Variants in ZCCHC2 observed in about 807,000 individuals in gnomAD.
ZCCHC2 encodes the protein zinc finger CCHC domain-containing protein 2.
Under a neutral mutation model 103.6 loss-of-function variants are expected in ZCCHC2, and 39 were observed. The observed-to-expected ratio is 0.38, with a 90% CI of 0.29 to 0.49. The LOEUF (loss-of-function observed/expected upper bound fraction) is 0.49. ZCCHC2 is among the 20% of genes least tolerant of loss of function. The pLI is 0.96. For missense variants in ZCCHC2, 1,483 were observed against 1,491.0 expected (o/e 0.99, Z 0.09); for synonymous variants, 687 against 608.9 (o/e 1.13, Z -1.89).
Position 62,523,376 on chromosome 18 carries a change from G to GGGGGC in ZCCHC2, c.-49_-48insGGGGC. ...GCCTCGGCCCGTGCTCCACCTCGCG[G>GGGGGC]CCCCTCCCGCCCGCCCCCGCTCGCA... On this transcript the variant is annotated 5_prime_UTR_variant, in exon 1 of 14. Transcript: ENST00000269499. 4.0e-6 allele frequency: 4 copies of GGGGGC among 1,012,346 alleles called. No homozygotes were observed. The highest frequency in any genetic ancestry group is 4.7e-6 in the Non-Finnish European group (4 of 848,984). The allele number at this position is 1,012,346 out of a possible 1,614,324, so 62.7% of individuals were successfully genotyped here.
Position 62,576,599 on chromosome 18 carries a change from C to CT in ZCCHC2, c.*22dup. 2 of 1,607,636 alleles carry CT rather than the reference C, an allele frequency of 1.2e-6. No individual in the cohort carries two copies. The highest frequency in any genetic ancestry group is 1.7e-6 in the Non-Finnish European group (2 of 1,174,558). On this transcript the variant is annotated 3_prime_UTR_variant, in exon 14 of 14. Coordinates refer to ENST00000269499, the MANE Select transcript of ZCCHC2 (RefSeq NM_017742.6). ...GACTGAAACGAGTAAAGCTTGCCTACTTAATACACTCAAGTGTGGGGAGTC... is the reference window on the plus strand; with the variant it reads ...GACTGAAACGAGTAAAGCTTGCCTACTTTAATACACTCAAGTGTGGGGAGTC...
At chr18:62,544,978 G>C (rs1014326523) in intron 4 of ZCCHC2, 105 bp downstream of exon 4, 1 of 943,196 alleles carries the variant, frequency 1.1e-6, no homozygotes, top group East Asian at 3.0e-5. Context: ...ACAGATAAAG[G>C]TTGGCTCAGA....
At chr18:62,564,478 C>A in intron 9 of ZCCHC2, 93 bp from the exon 10 acceptor site, 2 of 925,690 alleles carry the variant, frequency 2.2e-6, no homozygotes, top group Non-Finnish European at 3.1e-6. Context: ...GAATATACAA[C>A]TGGGAATCTA....
At position 62,537,133 on chromosome 18, in the gene ZCCHC2, A is replaced by C. The variant is rs114430438; in HGVS notation, c.940-2548A>C. Among the ~76,000 whole-genome samples, 1,002 of 152,270 alleles carry C rather than the reference A, an allele frequency of 6.6e-3. 12 individuals are homozygous for C. Among genetic ancestry groups the C allele is most frequent in the African/African-American group, 0.023 (955 of 41,554 alleles). Reference sequence around the variant, plus strand: ...CAAACAGAAATGCTATACCCATTTAAAAAATAACACCCTATTCCCTCCAGT... The same window carrying C: ...CAAACAGAAATGCTATACCCATTTACAAAATAACACCCTATTCCCTCCAGT... On this transcript the variant is annotated intron_variant, in intron 1 of 13. Transcript: ENST00000269499.
intron 12 of ZCCHC2, among the ~76,000 whole-genome samples, chr18:62,572,127 G>C (rs1212115352): frequency 2.0e-5 from 3 of 152,124 alleles, no homozygotes; most frequent in Non-Finnish European, 4.4e-5. Context: ...TGTTGCCCAG[G>C]CTGGTCTTGA....
At chr18:62,548,557 T>C (rs1002100612) in intron 4 of ZCCHC2, among the ~76,000 whole-genome samples, 3 of 152,250 alleles carry the variant, frequency 2.0e-5, no homozygotes, top group African/African-American at 7.2e-5. Flanking sequence ...GTAGGATATA[T>C]GCCTGGTGTT....
intron 11 of ZCCHC2, among the ~76,000 whole-genome samples, chr18:62,567,781 C>A (rs1412940868): frequency 6.6e-6 from 1 of 151,598 alleles, no homozygotes; most frequent in African/African-American, 2.4e-5. Context: ...CCTGTTTCTA[C>A]TAAAAATATA....
downstream of ZCCHC2, among the ~76,000 whole-genome samples, chr18:62,582,158 A>G (rs1030193199): frequency 8.5e-5 from 13 of 152,244 alleles, no homozygotes; most frequent in African/African-American, 3.1e-4. Context: ...CAAGTTTTGA[A>G]TAGAGGGAAA....
At chr18:62,555,808 C>CA (rs71160849) in intron 5 of ZCCHC2, among the ~76,000 whole-genome samples, 23,001 of 136,096 alleles carry the variant, frequency 0.17, 2,229 homozygotes, top group Non-Finnish European at 0.24. Flanking sequence ...AATTCAGTCT[C>CA]AAAAAAAAAA....
chr18:62,545,575 TA>T (rs1277698531), intron 4 of ZCCHC2, among the ~76,000 whole-genome samples: 1 of 152,240 alleles, frequency 6.6e-6, no homozygotes, highest in Non-Finnish European at 1.5e-5. Flanking sequence ...TCTTTTATAC[TA>T]ATCTGATTTT....
In ZCCHC2 at chr18:62,523,648, C is replaced by G. The variant is rs563696641; in HGVS notation, c.224C>G (p.Ala75Gly). 319 of 1,294,366 alleles carry G rather than the reference C, an allele frequency of 2.5e-4. No individual in the cohort carries two copies. The highest frequency in any genetic ancestry group is 8.8e-4 in the Middle Eastern group (3 of 3,402). The allele number at this position is 1,294,366 out of a possible 1,614,324, so 80.2% of individuals were successfully genotyped here. A position where few individuals can be genotyped will look rare whatever the true frequency, so the allele number is the denominator to read the frequency against. ...RGLGPPVAGGAAAGAGMPGGG... is the reference protein window; with the variant it reads ...RGLGPPVAGGGAAGAGMPGGG... The stretch of plus-strand genomic sequence containing the variant: ...CTCGGGCCGCCTGTTGCTGGTGGAG[C>G]GGCGGCGGGGGCGGGTATGCCGGGC... The change falls in exon 1 of 14, where the codon GCG becomes GGG. Residue 75 changes from alanine to glycine, a missense_variant. Physicochemically the swap from Ala to Gly is moderately conservative, Grantham distance 60 (BLOSUM62 0). Around this residue, in one of 3 missense-constraint regions of ZCCHC2, gnomAD observed 568 missense variants for 525.1 expected, o/e 1.08. Coordinates refer to ENST00000269499, the MANE Select transcript of ZCCHC2 (RefSeq NM_017742.6).
rs1473959648 is a variant in ZCCHC2, at chr18:62,523,541, C to T, written c.117C>T (p.Arg39=). The T allele has an allele frequency of 1.7e-5, 16 of 934,924 alleles. No homozygotes were observed. The highest frequency in any genetic ancestry group is 2.0e-5 in the Non-Finnish European group (16 of 805,416). 57.9% of individuals were successfully genotyped at this position (934,924 alleles called of 1,614,324 possible). A position where few individuals can be genotyped will look rare whatever the true frequency, so the allele number is the denominator to read the frequency against. ...PGAKAPSRRR[R]DCRPPPPPPP... ...CGAAGGCGCCTTCGCGCCGCCGCCGCGACTGCCGCCCCCCGCCGCCGCCGC... is the reference window on the plus strand; with the variant it reads ...CGAAGGCGCCTTCGCGCCGCCGCCGTGACTGCCGCCCCCCGCCGCCGCCGC... Residue 39 remains arginine, a synonymous_variant, in exon 1 of 14, where the codon CGC becomes CGT. Coordinates refer to ENST00000269499, the MANE Select transcript of ZCCHC2 (RefSeq NM_017742.6).
At chr18:62,544,509 A>G (rs145617926) in intron 3 of ZCCHC2, among the ~76,000 whole-genome samples, 299 of 152,358 alleles carry the variant, frequency 2.0e-3, no homozygotes, top group Non-Finnish European at 2.5e-3. Flanking sequence ...AAGTTCATAG[A>G]AAATAACATA....
chr18:62,528,870 T>A (rs977008605), intron 1 of ZCCHC2, among the ~76,000 whole-genome samples: 2 of 151,688 alleles, frequency 1.3e-5, no homozygotes, highest in Non-Finnish European at 2.9e-5. Context: ...CTAAAAAAGA[T>A]GATTTTTTGG....
At chr18:62,536,438 C>G (rs1025087704) in intron 1 of ZCCHC2, among the ~76,000 whole-genome samples, 3 of 152,198 alleles carry the variant, frequency 2.0e-5, no homozygotes, top group Admixed American at 6.5e-5. Flanking sequence ...TTGTAAAATA[C>G]TGATTCTGGC....
At chr18:62,582,505 C>T (rs1917062534), downstream of ZCCHC2, among the ~76,000 whole-genome samples, 1 of 151,776 alleles carries the variant, frequency 6.6e-6, no homozygotes, top group Admixed American at 6.6e-5. Context: ...TGGTGAAACC[C>T]CGAATCTACC....
Position 62,575,085 on chromosome 18 carries a change from G to C in ZCCHC2, c.3004G>C (p.Val1002Leu). The change falls in exon 13 of 14, where the codon GTG (valine) becomes CTG (leucine). Residue 1002 changes from valine to leucine, a missense_variant. Physicochemically the swap from Val to Leu is conservative, Grantham distance 32. Transcript: ENST00000269499. Reference protein sequence around the residue: ...VGNTNANGTVVPPQQMGSGPC... With the variant: ...VGNTNANGTVLPPQQMGSGPC... ...GAACACGAACGCTAATGGGACAGTA[G>C]TGCCACCGCAGCAGATGGGCTCAGG... The C allele has an allele frequency of 1.2e-6, 2 of 1,614,058 alleles. No homozygotes were observed. The highest frequency in any genetic ancestry group is 1.7e-6 in the Non-Finnish European group (2 of 1,179,900).
intron 7 of ZCCHC2, among the ~76,000 whole-genome samples, chr18:62,559,567 G>A (rs1156631675): frequency 6.6e-6 from 1 of 152,198 alleles, no homozygotes; most frequent in Non-Finnish European, 1.5e-5. Flanking sequence ...ACGAAATTTG[G>A]TGCTGTGTAG....
At chr18:62,526,697 G>A (rs969903991) in intron 1 of ZCCHC2, among the ~76,000 whole-genome samples, 3 of 152,180 alleles carry the variant, frequency 2.0e-5, no homozygotes, top group Middle Eastern at 3.4e-3. Flanking sequence ...CGCCCCTCGC[G>A]TGGAGGCGCC....
Sources: allele counts gnomAD v4.1 joint callset (sites outside exome capture counted in the v4.1 genomes callset), GRCh38; gene constraint gnomAD v4.1.1; regional missense constraint gnomAD v4.1.1; transcripts MANE v1.5; gene names NCBI Gene and HGNC (gene_info 2026-07-23, HGNC 2026-07-21).